Variants in TENM4 observed in about 807,000 individuals in gnomAD.
The protein encoded by TENM4 is teneurin-4.
Under a neutral mutation model 243.3 loss-of-function variants are expected in TENM4, and 82 were observed. That is an observed-to-expected ratio of 0.34 (90% CI 0.28 to 0.40). The LOEUF is 0.40. Among genes scored for constraint, TENM4 ranks in the 10% least tolerant of loss-of-function variants. The pLI is 1.00. For synonymous variants in TENM4, 1,412 were observed against 1,456.3 expected (o/e 0.97, Z 0.69); for missense variants, 3,138 against 3,673.3 (o/e 0.85, Z 3.77).
chr11:78,677,718 A>C (rs1590933648), intron 29 of TENM4, among the ~76,000 whole-genome samples: 1 of 152,274 alleles, frequency 6.6e-6, no homozygotes, highest in South Asian at 2.1e-4. Flanking sequence ...ACAATGATTT[A>C]AATATACATA....
intron 6 of TENM4, among the ~76,000 whole-genome samples, chr11:79,001,112 T>A (rs982201861): frequency 6.6e-6 from 1 of 152,170 alleles, no homozygotes; most frequent in African/African-American, 2.4e-5. Flanking sequence ...ATCAAAAGGC[T>A]GATATTGTGA....
At chr11:78,905,306 A>AT (rs1190097238) in intron 6 of TENM4, among the ~76,000 whole-genome samples, 1 of 152,116 alleles carries the variant, frequency 6.6e-6, no homozygotes, top group Admixed American at 6.6e-5. Context: ...AGTGTTATGG[A>AT]TTTTTTTAGT....
At chr11:79,433,189 GC>G (rs2135616934) in intron 1 of TENM4, among the ~76,000 whole-genome samples, 1 of 152,308 alleles carries the variant, frequency 6.6e-6, no homozygotes, top group African/African-American at 2.4e-5. Context: ...GCAGTAGATA[GC>G]TTGAAATCTT....
intron 2 of TENM4, among the ~76,000 whole-genome samples, chr11:79,238,836 C>T (rs902977180): frequency 5.3e-5 from 8 of 151,990 alleles, no homozygotes; most frequent in Non-Finnish European, 8.8e-5. Context: ...ACCAGCTTGG[C>T]GATCGTGGTG....
At chr11:78,946,437 C>A (rs113312196) in intron 6 of TENM4, among the ~76,000 whole-genome samples, 6 of 152,336 alleles carry the variant, frequency 3.9e-5, no homozygotes, top group South Asian at 2.1e-4. Context: ...CACTTACTGA[C>A]AATGTACCTG....
In TENM4 at chr11:78,709,134, A is replaced by ATTTTTTT. The variant is rs372114866; in HGVS notation, c.4055-626_4055-620dup. 2.9e-3 allele frequency among the ~76,000 whole-genome samples: 365 copies of ATTTTTTT among 126,096 alleles called. 8 individuals are homozygous for ATTTTTTT. Among genetic ancestry groups the ATTTTTTT allele is most frequent in the African/African-American group, 0.01 (328 of 31,748 alleles). 82.7% of individuals were successfully genotyped at this position (126,096 alleles called of 152,430 possible). A position where few individuals can be genotyped will look rare whatever the true frequency, so the allele number is the denominator to read the frequency against. On this transcript the variant is annotated intron_variant, in intron 26 of 33. Coordinates refer to ENST00000278550, the MANE Select transcript of TENM4 (RefSeq NM_001098816.3). ...AGGCATGCGCCACCATGCCTGGCTA[A>ATTTTTTT]TTTTTTTTTTTTTTTTTTTAGTAGA...
At chr11:79,089,944 G>C (rs1273838591) in intron 4 of TENM4, among the ~76,000 whole-genome samples, 2 of 152,208 alleles carry the variant, frequency 1.3e-5, no homozygotes, top group South Asian at 4.1e-4. Flanking sequence ...GCCCCACACA[G>C]AGAGCCTCCA....
rs781487602 is a variant in TENM4 at position 78,756,773 on chromosome 11, GC to G, written c.2756+31del. ...GAGTGATTCAGTTCTCCCTCAGAGA[GC>G]CCTGGCTGGAGCTGGGGCCCTCGGA... On this transcript the variant is annotated intron_variant, in intron 19 of 33. Transcript: ENST00000278550. 9 of 1,589,242 alleles carry G rather than the reference GC, an allele frequency of 5.7e-6. No homozygotes were observed. In the South Asian group the frequency reaches 1.0e-4, roughly 18 times the overall value.
chr11:78,959,211 A>G (rs1857267478), intron 6 of TENM4, among the ~76,000 whole-genome samples: 1 of 152,238 alleles, frequency 6.6e-6, no homozygotes, highest in African/African-American at 2.4e-5. Flanking sequence ...TGTTAAACGT[A>G]GTTATATCTC....
At chr11:79,296,037 T>C (rs1856447218) in intron 2 of TENM4, among the ~76,000 whole-genome samples, 1 of 152,074 alleles carries the variant, frequency 6.6e-6, no homozygotes, top group Non-Finnish European at 1.5e-5. Context: ...ACCATGGTCA[T>C]AATTCGCAAC....
chr11:78,964,564 T>G (rs909283898), intron 6 of TENM4, among the ~76,000 whole-genome samples: 3 of 152,230 alleles, frequency 2.0e-5, no homozygotes, highest in African/African-American at 7.2e-5. Context: ...GTACAATCTT[T>G]TAAGCCAGCA....
chr11:79,345,514 G>A (rs1484723364), intron 1 of TENM4, among the ~76,000 whole-genome samples: 1 of 152,188 alleles, frequency 6.6e-6, no homozygotes, highest in Non-Finnish European at 1.5e-5. Flanking sequence ...TAATGGCCAA[G>A]TGTATCAAGA....
chr11:79,285,520 G>A (rs1173719432), intron 2 of TENM4, among the ~76,000 whole-genome samples: 1 of 152,086 alleles, frequency 6.6e-6, no homozygotes, highest in East Asian at 1.9e-4. Flanking sequence ...ATACCCCAAA[G>A]AACTGAAATT....
intron 1 of TENM4, among the ~76,000 whole-genome samples, chr11:79,428,226 T>C (rs1272171252): frequency 6.6e-6 from 1 of 152,182 alleles, no homozygotes; most frequent in African/African-American, 2.4e-5. Context: ...ACATTAAATG[T>C]TAAAAGCCCT....
intron 6 of TENM4, among the ~76,000 whole-genome samples, chr11:78,986,829 C>G (rs561071973): frequency 2.6e-5 from 4 of 152,182 alleles, no homozygotes; most frequent in African/African-American, 9.7e-5. Flanking sequence ...CCACCTTGGC[C>G]TCCCAAAGTG....
chr11:78,871,063 C>G (rs1210406826), intron 9 of TENM4, among the ~76,000 whole-genome samples: 1 of 152,186 alleles, frequency 6.6e-6, no homozygotes, highest in East Asian at 1.9e-4. Flanking sequence ...CCTCTCCCTG[C>G]CAGACCTCCC....
At chr11:78,896,270 G>A (rs1855793299) in intron 7 of TENM4, among the ~76,000 whole-genome samples, 1 of 152,108 alleles carries the variant, frequency 6.6e-6, no homozygotes, top group South Asian at 2.1e-4. Flanking sequence ...CCCATATTCT[G>A]TAGCTGAGAC....
intron 14 of TENM4, among the ~76,000 whole-genome samples, chr11:78,809,264 C>T (rs2136094472): frequency 6.6e-6 from 1 of 152,352 alleles, no homozygotes; most frequent in South Asian, 2.1e-4. Flanking sequence ...TGACGAGAGG[C>T]TACCTCCAGG....
intron 4 of TENM4, among the ~76,000 whole-genome samples, chr11:79,141,041 G>C (rs1038556713): frequency 6.6e-6 from 1 of 152,060 alleles, no homozygotes; most frequent in African/African-American, 2.4e-5. Flanking sequence ...GCCTATTAAT[G>C]TGAATATACC....
Sources: gnomAD v4.1 joint callset for allele counts (sites outside exome capture counted in the v4.1 genomes callset) on GRCh38, gnomAD v4.1.1 for gene constraint, MANE v1.5 for transcripts, NCBI Gene and HGNC (gene_info 2026-07-23, HGNC 2026-07-21) for gene names.